ALK: variants seen among roughly 807,000 people sequenced by gnomAD.
ALK encodes the protein ALK receptor tyrosine kinase, also known as ALK tyrosine kinase receptor.
Under a neutral mutation model 163.1 loss-of-function variants are expected in ALK, and 74 were observed. The ratio of observed to expected loss-of-function variants is 0.45; its 90% CI spans 0.38 to 0.55. The LOEUF (loss-of-function observed/expected upper bound fraction) is 0.55. Ranked by LOEUF, ALK falls within the 20% of genes least tolerant of loss-of-function variation. The pLI is 0.00. For missense variants in ALK, 2,063 were observed against 2,105.3 expected (o/e 0.98, Z 0.39); for synonymous variants, 960 against 843.2 (o/e 1.14, Z -2.40).
chr2:29,823,884 T>A (rs1393998436), intron 1 of ALK, among the ~76,000 whole-genome samples: 4 of 152,242 alleles, frequency 2.6e-5, no homozygotes, highest in African/African-American at 9.6e-5. Context: ...AGGAGTTGCA[T>A]ATTAATCCCC....
At chr2:29,338,895 A>T (rs1200827959) in intron 5 of ALK, among the ~76,000 whole-genome samples, 2 of 152,178 alleles carry the variant, frequency 1.3e-5, no homozygotes, top group Non-Finnish European at 2.9e-5. Flanking sequence ...CCCAGTCTCC[A>T]TTTCAATCTT....
At chr2:29,304,511 A>AAAG (rs1320292032) in intron 8 of ALK, among the ~76,000 whole-genome samples, 2 of 148,688 alleles carry the variant, frequency 1.3e-5, no homozygotes, top group East Asian at 4.0e-4. Context: ...AAAAAAAAAA[A>AAAG]GAAAAGAAAA....
At chr2:29,292,022 C>T (rs187018295) in intron 9 of ALK, among the ~76,000 whole-genome samples, 1 of 152,202 alleles carries the variant, frequency 6.6e-6, no homozygotes, top group Admixed American at 6.5e-5. Flanking sequence ...CAGTTTAACC[C>T]ATCTCATTTG....
In ALK at chr2:29,553,133, T is replaced by C. The variant is rs576523763; in HGVS notation, c.953-21017A>G. ...CCAAAACTCATGTTGAAACTTTATT[T>C]CCATTGTGGTGGTATTAAGAGAGGC... On this transcript the variant is annotated intron_variant, in intron 3 of 28. Transcript: ENST00000389048. Among the ~76,000 whole-genome samples, 12 of 152,340 alleles carry C rather than the reference T, an allele frequency of 7.9e-5. No individual in the cohort carries two copies. In the South Asian group the frequency reaches 2.5e-3, roughly 32 times the overall value.
intron 5 of ALK, among the ~76,000 whole-genome samples, chr2:29,382,095 G>A (rs952047469): frequency 1.3e-5 from 2 of 152,188 alleles, no homozygotes; most frequent in African/African-American, 4.8e-5. Flanking sequence ...ACTGAAAGAA[G>A]GAAGCTGGAC....
At chr2:29,263,395 C>G (rs892533441) in intron 11 of ALK, among the ~76,000 whole-genome samples, 1 of 152,136 alleles carries the variant, frequency 6.6e-6, no homozygotes, top group African/African-American at 2.4e-5. Context: ...CTACAAGGCC[C>G]TTGGAATTGT....
At chr2:29,807,650 G>C (rs1191649718) in intron 1 of ALK, among the ~76,000 whole-genome samples, 2 of 152,206 alleles carry the variant, frequency 1.3e-5, no homozygotes, top group African/African-American at 4.8e-5. Flanking sequence ...AGTAGTACCA[G>C]TGAAAATGGA....
At chr2:29,286,674 G>C (rs1665865132) in intron 9 of ALK, 1 of 152,012 alleles carries the variant, frequency 6.6e-6, no homozygotes, top group Admixed American at 6.6e-5. Flanking sequence ...ATTCGGGGGT[G>C]GGGGGAAATT....
At chr2:29,708,359 G>A (rs1292895373) in intron 2 of ALK, among the ~76,000 whole-genome samples, 1 of 152,142 alleles carries the variant, frequency 6.6e-6, no homozygotes, top group Admixed American at 6.5e-5. Flanking sequence ...ATTAATCACC[G>A]TGCCTGGCCC....
intron 4 of ALK, among the ~76,000 whole-genome samples, chr2:29,487,795 A>G (rs969951080): frequency 6.6e-6 from 1 of 152,160 alleles, no homozygotes; most frequent in Non-Finnish European, 1.5e-5. Flanking sequence ...TTGTCATTTT[A>G]CCGAGACAGA....
intron 3 of ALK, among the ~76,000 whole-genome samples, chr2:29,648,139 C>T (rs1396128595): frequency 6.6e-6 from 1 of 152,132 alleles, no homozygotes; most frequent in East Asian, 1.9e-4. Flanking sequence ...ATTGACTTTG[C>T]TCATGCAGTT....
At chr2:29,620,800 G>C (rs527353342) in intron 3 of ALK, among the ~76,000 whole-genome samples, 1 of 152,058 alleles carries the variant, frequency 6.6e-6, no homozygotes, top group East Asian at 1.9e-4. Flanking sequence ...TAATAACCCC[G>C]CGCCTCGGGA....
chr2:29,702,351 C>A (rs1407546045), intron 2 of ALK, among the ~76,000 whole-genome samples: 1 of 152,120 alleles, frequency 6.6e-6, no homozygotes, highest in Non-Finnish European at 1.5e-5. Flanking sequence ...GACCTGGGCC[C>A]AGAGAGGGAA....
intron 4 of ALK, among the ~76,000 whole-genome samples, chr2:29,529,466 G>A (rs751409378): frequency 1.3e-5 from 2 of 152,202 alleles, no homozygotes; most frequent in Non-Finnish European, 2.9e-5. Context: ...GCAAGCTTTC[G>A]GCAAGGCAAA....
chr2:29,710,276 C>T (rs1156368380), intron 2 of ALK, among the ~76,000 whole-genome samples: 1 of 152,150 alleles, frequency 6.6e-6, no homozygotes. Context: ...TCAATTGAAC[C>T]TCTTTCCTTT....
At chr2:29,513,164 G>A (rs147743738) in intron 4 of ALK, among the ~76,000 whole-genome samples, 23,498 of 142,190 alleles carry the variant, frequency 0.17, 2,489 homozygotes, top group East Asian at 0.27. Context: ...AAGTTCATAC[G>A]GAACCAAAAA....
intron 1 of ALK, among the ~76,000 whole-genome samples, chr2:29,735,783 G>A (rs966277584): frequency 6.6e-6 from 1 of 152,036 alleles, no homozygotes; most frequent in Non-Finnish European, 1.5e-5. Flanking sequence ...CAGCTGCCAT[G>A]TGAATAAGGA....
intron 1 of ALK, among the ~76,000 whole-genome samples, chr2:29,858,162 C>T (rs900229734): frequency 3.9e-5 from 6 of 152,088 alleles, no homozygotes; most frequent in Admixed American, 2.0e-4. Flanking sequence ...AGAACAGTTC[C>T]GTCACCACAA....
intron 3 of ALK, among the ~76,000 whole-genome samples, chr2:29,621,152 C>A (rs1676025264): frequency 6.6e-6 from 1 of 151,940 alleles, no homozygotes; most frequent in South Asian, 2.1e-4. Context: ...CATTCATGGC[C>A]TCTAATTTTT....
Sources: allele counts gnomAD v4.1 joint callset (sites outside exome capture counted in the v4.1 genomes callset), GRCh38; gene constraint gnomAD v4.1.1; transcripts MANE v1.5; gene names NCBI Gene and HGNC (gene_info 2026-07-23, HGNC 2026-07-21).